The following AXIN1 variants were observed in gnomAD, a reference collection of about 807,000 sequenced individuals.
AXIN1 encodes the protein axin-1.
Under a neutral mutation model 76.4 loss-of-function variants are expected in AXIN1, and 30 were observed. That is an observed-to-expected ratio of 0.39 (90% CI 0.29 to 0.53). The LOEUF (loss-of-function observed/expected upper bound fraction) is 0.53. Among genes scored for constraint, AXIN1 ranks in the 20% least tolerant of loss-of-function variants. AXIN1 has a pLI of 0.66. For missense variants in AXIN1, 1,140 were observed against 1,198.8 expected (o/e 0.95, Z 0.72); for synonymous variants, 545 against 501.4 (o/e 1.09, Z -1.16).
Position 352,380 on chromosome 16 carries a change from G to A in AXIN1, c.-93C>T, listed in dbSNP as rs1457426007. On this transcript the variant is annotated 5_prime_UTR_variant, in exon 1 of 11. Coordinates refer to ENST00000262320, the MANE Select transcript of AXIN1 (RefSeq NM_003502.4). The stretch of plus-strand genomic sequence containing the variant: ...CCGGCCCTACTCACCCGCGCGCGGT[G>A]GTGGCGGGACCCCGGGCCCGGCTCC... The A allele has an allele frequency of 3.0e-5, 29 of 978,316 alleles. No homozygotes were observed. Among genetic ancestry groups the A allele is most frequent in the Non-Finnish European group, 3.5e-5 (29 of 827,174 alleles). The allele number at this position is 978,316 out of a possible 1,614,324, so 60.6% of individuals were successfully genotyped here. A position where few individuals can be genotyped will look rare whatever the true frequency, so the allele number is the denominator to read the frequency against.
intron 5 of AXIN1, 91 bp downstream of exon 5, chr16:304,213 G>C (rs955184097): frequency 3.1e-6 from 5 of 1,591,144 alleles, no homozygotes; most frequent in Non-Finnish European, 4.3e-6. Context: ...GGCCAGCCCC[G>C]GGCATCCCCA....
intron 2 of AXIN1, among the ~76,000 whole-genome samples, chr16:327,840 C>T (rs1448347399): frequency 6.6e-6 from 1 of 152,254 alleles, no homozygotes; most frequent in South Asian, 2.1e-4. Context: ...AGAAAGCCCT[C>T]ACTACAGCCT....
At chr16:302,358 G>A (rs772892153) in intron 5 of AXIN1, among the ~76,000 whole-genome samples, 6 of 152,246 alleles carry the variant, frequency 3.9e-5, no homozygotes, top group Admixed American at 2.6e-4. Flanking sequence ...TCAGACCAAC[G>A]GCCAGGGGAG....
intron 1 of AXIN1, among the ~76,000 whole-genome samples, chr16:351,814 AC>A (rs1156860351): frequency 6.6e-6 from 1 of 152,078 alleles, no homozygotes; most frequent in Non-Finnish European, 1.5e-5. Context: ...GTTTTTCTCT[AC>A]TTTCTTCAAT....
intron 4 of AXIN1, among the ~76,000 whole-genome samples, chr16:307,343 G>A (rs1172916129): frequency 2.0e-5 from 3 of 152,186 alleles, no homozygotes. Context: ...GATTTACAGA[G>A]AATGGCAACC....
In AXIN1 at chr16:304,425, G is replaced by A. The variant is rs548567255; in HGVS notation, c.1133C>T (p.Pro378Leu). ...CTGAGGCTCCACGCGGACCTCCTTC[G>A]GCACCCGGTACGTGCGCTGCGAGGG... The part of the protein sequence containing the change: ...LPHIPRTYRV[P>L]KEVRVEPQKF... The change falls in exon 5 of 11, where the codon CCG becomes CTG. Residue 378 changes from proline to leucine, a missense_variant. Transcript: ENST00000262320. 11 of 1,612,586 alleles carry A rather than the reference G, an allele frequency of 6.8e-6. No individual in the cohort carries two copies. The highest frequency in any genetic ancestry group is 1.3e-5 in the African/African-American group (1 of 74,952).
rs2141594371 is a variant in AXIN1, at chr16:314,678, C to A, written c.884G>T (p.Gly295Val). ...GGGGTTGACTGGCTCCCGCCAGGAT[C>A]CATACCTGCAAACAGGCAAGCAGGG... The part of the protein sequence containing the change: ...RYSEGREFRY[G>V]SWREPVNPYY... Residue 295 changes from glycine to valine, a missense_variant, in exon 3 of 11, where the codon GGA (glycine) becomes GTA (valine). Physicochemically the swap from Gly to Val is moderately radical, Grantham distance 109 (BLOSUM62 -3). Transcript: ENST00000262320. The A allele has an allele frequency of 6.2e-7, 1 of 1,613,712 alleles. No individual in the cohort carries two copies. Among genetic ancestry groups the A allele is most frequent in the Non-Finnish European group, 8.5e-7 (1 of 1,180,048 alleles).
At chr16:351,898 CG>C (rs1597137286) in intron 1 of AXIN1, among the ~76,000 whole-genome samples, 2 of 151,984 alleles carry the variant, frequency 1.3e-5, no homozygotes, top group East Asian at 1.9e-4. Flanking sequence ...AAGTGCGGGG[CG>C]GGGGTAGAAT....
At chr16:307,988 C>G (rs907313921) in intron 4 of AXIN1, among the ~76,000 whole-genome samples, 3 of 152,234 alleles carry the variant, frequency 2.0e-5, no homozygotes, top group African/African-American at 7.2e-5. Flanking sequence ...CAACCACAGC[C>G]CCACCTGACA....
chr16:295,254 G>A (rs150259269), intron 7 of AXIN1, among the ~76,000 whole-genome samples: 1,549 of 151,462 alleles, frequency 0.01, 25 homozygotes, highest in African/African-American at 0.036. Flanking sequence ...ACTGGCACTC[G>A]CCACCACACA....
At chr16:301,139 T>TGGC (rs1567269046) in intron 5 of AXIN1, among the ~76,000 whole-genome samples, 1 of 151,926 alleles carries the variant, frequency 6.6e-6, no homozygotes, top group East Asian at 1.9e-4. Flanking sequence ...GGCGTGATGG[T>TGGC]GGGCGCCTGT....
intron 2 of AXIN1, among the ~76,000 whole-genome samples, chr16:318,953 G>GCC (rs1324782194): frequency 6.6e-6 from 1 of 151,718 alleles, no homozygotes; most frequent in Non-Finnish European, 1.5e-5. Flanking sequence ...AGAGAATGCG[G>GCC]CCGGGGCCTT....
intron 4 of AXIN1, among the ~76,000 whole-genome samples, chr16:307,140 T>C (rs11649255): frequency 0.3 from 45,621 of 151,908 alleles, 7,141 homozygotes; most frequent in South Asian, 0.43. Context: ...CAGACGCGCT[T>C]ATGGTCTGAA....
At chr16:300,746 C>G (rs1208286437) in intron 5 of AXIN1, among the ~76,000 whole-genome samples, 2 of 152,102 alleles carry the variant, frequency 1.3e-5, no homozygotes, top group Non-Finnish European at 2.9e-5. Context: ...GCCTCCCTTT[C>G]CTTGGTTTTG....
rs550822974 is a variant in AXIN1, at chr16:339,300, G to A, written c.878+6848C>T. On this transcript the variant is annotated intron_variant, in intron 2 of 10. Coordinates refer to ENST00000262320, the MANE Select transcript of AXIN1 (RefSeq NM_003502.4). ...AGGCGGATCACAAGGTCAGGAGATC[G>A]AGACCATCCTGGCTAACAAGGTGAA... Among the ~76,000 whole-genome samples, 95 of 148,964 alleles carry A rather than the reference G, an allele frequency of 6.4e-4. No individual in the cohort carries two copies. In the East Asian group the frequency reaches 0.011, roughly 17 times the overall value.
chr16:327,446 G>A (rs1055018505), intron 2 of AXIN1, among the ~76,000 whole-genome samples: 2 of 152,242 alleles, frequency 1.3e-5, no homozygotes, highest in African/African-American at 2.4e-5. Context: ...AGGAGGCCTC[G>A]CTGTGGTTCC....
At chr16:326,499 A>G (rs2053587299) in intron 2 of AXIN1, among the ~76,000 whole-genome samples, 1 of 151,592 alleles carries the variant, frequency 6.6e-6, no homozygotes, top group Non-Finnish European at 1.5e-5. Context: ...CTGTAATCCC[A>G]GCACCATGGG....
chr16:300,714 C>A (rs1022853115), intron 5 of AXIN1, among the ~76,000 whole-genome samples: 4 of 152,154 alleles, frequency 2.6e-5, no homozygotes, highest in Non-Finnish European at 5.9e-5. Flanking sequence ...GGTGGGCATC[C>A]CCTGGCGGAT....
chr16:296,998 C>T (rs1008758534), intron 7 of AXIN1, 58 bp downstream of exon 7: 43 of 1,575,760 alleles, frequency 2.7e-5, no homozygotes, highest in South Asian at 5.5e-5. Context: ...TGAGACTGTG[C>T]GGAGGCCAGG....
Sources: gnomAD v4.1 joint callset for allele counts (sites outside exome capture counted in the v4.1 genomes callset) on GRCh38, gnomAD v4.1.1 for gene constraint, MANE v1.5 for transcripts, NCBI Gene and HGNC (gene_info 2026-07-23, HGNC 2026-07-21) for gene names.